The following HDAC4 variants were observed in gnomAD, a reference collection of about 807,000 sequenced individuals.
The protein encoded by HDAC4 is histone deacetylase 4.
A neutral mutation model predicts 135.1 loss-of-function variants in HDAC4; 16 were observed. The ratio of observed to expected loss-of-function variants is 0.12; its 90% CI spans 0.08 to 0.18. HDAC4 has a LOEUF of 0.18. Ranked by LOEUF, HDAC4 falls within the 10% of genes least tolerant of loss-of-function variation. The pLI, the probability that HDAC4 is intolerant of heterozygous loss-of-function variation, is 1.00. For synonymous variants in HDAC4, 685 were observed against 653.4 expected (o/e 1.05, Z -0.74); for missense variants, 1,143 against 1,511.8 (o/e 0.76, Z 4.05).
intron 14 of HDAC4, among the ~76,000 whole-genome samples, chr2:239,109,151 G>A (rs532987284): frequency 1.3e-5 from 2 of 152,216 alleles, no homozygotes; most frequent in Non-Finnish European, 2.9e-5. Context: ...AGGCCCTGCC[G>A]GGACATGTCT....
At chr2:239,298,153 T>TAATTCTCCTCACCAAAC (rs1294281249) in intron 2 of HDAC4, 11 of 1,240,834 alleles carry the variant, frequency 8.9e-6, no homozygotes, top group Non-Finnish European at 1.2e-5. Context: ...CCAAACCAAA[T>TAATTCTCCTCACCAAAC]AATTCTCCTC....
chr2:239,061,823 G>A (rs561342351), intron 24 of HDAC4, among the ~76,000 whole-genome samples: 4 of 152,338 alleles, frequency 2.6e-5, no homozygotes, highest in South Asian at 4.1e-4. Flanking sequence ...CCTGCTCCAC[G>A]AATGTCTTCC....
At chr2:239,360,232 T>A (rs1006419347) in intron 1 of HDAC4, among the ~76,000 whole-genome samples, 2 of 152,090 alleles carry the variant, frequency 1.3e-5, no homozygotes, top group Non-Finnish European at 2.9e-5. Context: ...CCAATGGGAA[T>A]GAGGGTCATT....
In HDAC4 at chr2:239,156,637, T is replaced by C. The variant is rs1385699086; in HGVS notation, c.733+15A>G. 1.2e-6 allele frequency: 2 copies of C among 1,614,100 alleles called. No individual in the cohort carries two copies. Among genetic ancestry groups the C allele is most frequent in the East Asian group, 2.2e-5 (1 of 44,876 alleles). ...GCAGGAGACCTCCCGGCCCACAGCA[T>C]GCCTGGGCACTGACCTGTTTTCCTA... On this transcript the variant is annotated intron_variant, in intron 7 of 26. Coordinates refer to ENST00000543185, the MANE Select transcript of HDAC4 (RefSeq NM_001378414.1).
chr2:239,299,974 T>C lies in HDAC4; in HGVS notation c.22+52704A>G, dbSNP rs1219907570. 2.0e-5 allele frequency among the ~76,000 whole-genome samples: 3 copies of C among 152,238 alleles called. No individual in the cohort carries two copies. Among genetic ancestry groups the C allele is most frequent in the African/African-American group, 4.8e-5 (2 of 41,458 alleles). ...TCAGAGGACTCCCTGCAGTGCTCCATGAATTTCTCCCGAATTCCATCCGTA... is the reference window on the plus strand; with the variant it reads ...TCAGAGGACTCCCTGCAGTGCTCCACGAATTTCTCCCGAATTCCATCCGTA... On this transcript the variant is annotated intron_variant, in intron 2 of 26. Coordinates refer to ENST00000543185, the MANE Select transcript of HDAC4 (RefSeq NM_001378414.1). This position sits in a 1 kb window ranked among gnomAD's most constrained non-coding sequence, Gnocchi z 4.0.
chr2:239,161,006 T>C (rs2042757852), intron 6 of HDAC4, among the ~76,000 whole-genome samples: 1 of 152,190 alleles, frequency 6.6e-6, no homozygotes, highest in South Asian at 2.1e-4. Flanking sequence ...AGGGGCTGCT[T>C]GCCGCAGTTT....
In HDAC4 at chr2:239,307,110, ACCCTCC is replaced by A. The variant is rs2052633771; in HGVS notation, c.22+45562_22+45567del. Among the ~76,000 whole-genome samples, 1 of 151,810 alleles carries A rather than the reference ACCCTCC, an allele frequency of 6.6e-6. No individual in the cohort carries two copies. The highest frequency in any genetic ancestry group is 2.0e-4 in the East Asian group (1 of 5,122). On this transcript the variant is annotated intron_variant, in intron 2 of 26. Coordinates refer to ENST00000543185, the MANE Select transcript of HDAC4 (RefSeq NM_001378414.1). This position sits in a 1 kb window ranked among gnomAD's most constrained non-coding sequence, Gnocchi z 4.8. ...GTCCGGATGGCCCATCTCAGGCCAC[ACCCTCC>A]AGCTCTGTGCCTGCCGTCCATCCTG...
At chr2:239,319,882 T>C (rs944478926) in intron 2 of HDAC4, among the ~76,000 whole-genome samples, 17 of 152,208 alleles carry the variant, frequency 1.1e-4, no homozygotes, top group African/African-American at 3.9e-4. Context: ...AACATGTGCA[T>C]GTATGATAAA....
At chr2:239,385,305 G>T (rs780582494) in intron 1 of HDAC4, among the ~76,000 whole-genome samples, 5 of 152,238 alleles carry the variant, frequency 3.3e-5, no homozygotes, top group Non-Finnish European at 7.3e-5. Context: ...GCACACAGCG[G>T]GCTGGCTGCT....
At chr2:239,296,804 G>A (rs774097293) in intron 2 of HDAC4, among the ~76,000 whole-genome samples, 6 of 151,986 alleles carry the variant, frequency 3.9e-5, no homozygotes, top group Non-Finnish European at 8.8e-5. Flanking sequence ...GAGATTCTTC[G>A]GGGCAGATAT....
intron 8 of HDAC4, among the ~76,000 whole-genome samples, chr2:239,143,863 C>T (rs138407844): frequency 2.6e-5 from 4 of 152,354 alleles, no homozygotes; most frequent in East Asian, 3.9e-4. Flanking sequence ...CAAACATGTC[C>T]GCTGCCTCCC....
chr2:239,090,660 A>AAC (rs1424442861), intron 17 of HDAC4, among the ~76,000 whole-genome samples: 1 of 151,626 alleles, frequency 6.6e-6, no homozygotes, highest in African/African-American at 2.4e-5. Flanking sequence ...GAAAAAAAAA[A>AAC]AACTGGAAAC....
intron 2 of HDAC4, among the ~76,000 whole-genome samples, chr2:239,272,065 C>T (rs1035716117): frequency 2.0e-5 from 3 of 152,204 alleles, no homozygotes; most frequent in Non-Finnish European, 4.4e-5. Context: ...GCCACTTTCC[C>T]ACGGACATTC....
intron 1 of HDAC4, among the ~76,000 whole-genome samples, chr2:239,364,252 G>A (rs901418132): frequency 6.6e-6 from 1 of 152,186 alleles, no homozygotes; most frequent in African/African-American, 2.4e-5. Context: ...AGCATTATCT[G>A]TAACAGTCAA....
intron 2 of HDAC4, among the ~76,000 whole-genome samples, chr2:239,267,808 C>T (rs2049832599): frequency 6.6e-6 from 1 of 152,278 alleles, no homozygotes; most frequent in African/African-American, 2.4e-5. Flanking sequence ...ACAGAGACTG[C>T]TCCAGCCAGC....
chr2:239,170,245 A>C (rs1183625473), intron 5 of HDAC4, among the ~76,000 whole-genome samples: 1 of 151,056 alleles, frequency 6.6e-6, no homozygotes, highest in Non-Finnish European at 1.5e-5. Flanking sequence ...AATGTACAAC[A>C]TAATATAGGC....
At chr2:239,332,072 C>T (rs765598404) in intron 2 of HDAC4, among the ~76,000 whole-genome samples, 2 of 152,128 alleles carry the variant, frequency 1.3e-5, no homozygotes, top group Non-Finnish European at 2.9e-5. Context: ...CTAAATCTGC[C>T]TAGGCTTAAA....
upstream of HDAC4, chr2:239,401,342 C>G (rs1696983076): frequency 6.5e-6 from 1 of 152,994 alleles, no homozygotes; most frequent in Non-Finnish European, 1.5e-5. Flanking sequence ...CCCGCCTCCC[C>G]GCACGCGTCC....
At chr2:239,071,835 G>A (rs1480757103) in intron 22 of HDAC4, among the ~76,000 whole-genome samples, 1 of 152,144 alleles carries the variant, frequency 6.6e-6, no homozygotes, top group African/African-American at 2.4e-5. Flanking sequence ...AATTCTGCAG[G>A]CAGAGTTGTG....
Sources: gnomAD v4.1 joint callset for allele counts (sites outside exome capture counted in the v4.1 genomes callset) on GRCh38, gnomAD v4.1.1 for gene constraint, Gnocchi (gnomAD v3.1) non-coding constraint, MANE v1.5 for transcripts, NCBI Gene and HGNC (gene_info 2026-07-23, HGNC 2026-07-21) for gene names.